Variants in LY75 observed in about 807,000 individuals in gnomAD.
LY75 encodes C-type lectin domain family 13 member B.
A neutral mutation model predicts 231.7 loss-of-function variants in LY75; 185 were observed. The ratio of observed to expected loss-of-function variants is 0.80; its 90% CI spans 0.71 to 0.90. The LOEUF (loss-of-function observed/expected upper bound fraction) is 0.90, where lower values mean the gene tolerates loss of function less well. Ranked by LOEUF, LY75 falls within the 40% of genes least tolerant of loss-of-function variation. The pLI is 0.00. For synonymous variants in LY75, 668 were observed against 689.0 expected (o/e 0.97, Z 0.48); for missense variants, 1,947 against 2,050.2 (o/e 0.95, Z 0.97).
intron 6 of LY75, among the ~76,000 whole-genome samples, chr2:159,883,287 A>G (rs1685493151): frequency 6.8e-6 from 1 of 147,048 alleles, no homozygotes; most frequent in African/African-American, 2.7e-5. Context: ...ATAATTAAAA[A>G]AAAAAAGAAA....
chr2:159,836,713 G>A (rs1448121314), intron 25 of LY75, among the ~76,000 whole-genome samples: 1 of 152,202 alleles, frequency 6.6e-6, no homozygotes, highest in Non-Finnish European at 1.5e-5. Flanking sequence ...AAATGTTCAT[G>A]ACCAGAGTTC....
At chr2:159,842,457 G>A (rs1246987685) in intron 23 of LY75, 83 bp from the exon 24 acceptor site, 5 of 1,431,356 alleles carry the variant, frequency 3.5e-6, no homozygotes, top group Non-Finnish European at 4.6e-6. Context: ...ATTCTAGATT[G>A]AATTTGTCCC....
At chr2:159,876,329 C>G (rs530088177) in intron 11 of LY75, among the ~76,000 whole-genome samples, 2 of 152,264 alleles carry the variant, frequency 1.3e-5, no homozygotes, top group Admixed American at 1.3e-4. Flanking sequence ...GTTCCATTTT[C>G]CATTACATCA....
At chr2:159,806,198 A>G (rs1682788328) in intron 34 of LY75, among the ~76,000 whole-genome samples, 1 of 152,108 alleles carries the variant, frequency 6.6e-6, no homozygotes, top group South Asian at 2.1e-4. Context: ...CTGTTTACTT[A>G]TCTTTCTTCA....
intron 4 of LY75, among the ~76,000 whole-genome samples, chr2:159,887,875 T>C (rs1022766869): frequency 1.1e-4 from 16 of 152,206 alleles, no homozygotes; most frequent in Non-Finnish European, 2.2e-4. Context: ...CAACATTTGA[T>C]TGTCACACTT....
chr2:159,808,918 G>A (rs1217803239), intron 32 of LY75, among the ~76,000 whole-genome samples: 1 of 152,062 alleles, frequency 6.6e-6, no homozygotes, highest in Non-Finnish European at 1.5e-5. Flanking sequence ...TAGGATATGT[G>A]GGAACTGGGA....
At chr2:159,904,066 T>A (rs1365698458) in intron 1 of LY75, among the ~76,000 whole-genome samples, 1 of 152,204 alleles carries the variant, frequency 6.6e-6, no homozygotes, top group Non-Finnish European at 1.5e-5. Flanking sequence ...GAGGAGATGG[T>A]TTATTTAACC....
intron 12 of LY75, among the ~76,000 whole-genome samples, chr2:159,874,533 C>A (rs186491569): frequency 0.51 from 10,261 of 20,256 alleles, 3,727 homozygotes; most frequent in Non-Finnish European, 0.76. Flanking sequence ...TTTTGTAAAT[C>A]TATATAAATA....
rs1304804719 is a variant in LY75, at chr2:159,893,908, A to C, written c.637+6T>G. The C allele has an allele frequency of 6.2e-7, 1 of 1,604,772 alleles. No individual in the cohort carries two copies. The highest frequency in any genetic ancestry group is 8.5e-7 in the Non-Finnish European group (1 of 1,175,622). Reference sequence around the variant, plus strand: ...TTCCACATAAAATTTACCAGCCCATACATACCAGGCTTTAAGCAGATGCCC... The same window carrying C: ...TTCCACATAAAATTTACCAGCCCATCCATACCAGGCTTTAAGCAGATGCCC... On this transcript the variant is annotated splice_donor_region_variant and intron_variant, in intron 3 of 34. Coordinates refer to ENST00000263636, the MANE Select transcript of LY75 (RefSeq NM_002349.4).
intron 34 of LY75, among the ~76,000 whole-genome samples, chr2:159,805,695 C>T (rs543803371): frequency 3.3e-5 from 5 of 152,190 alleles, no homozygotes; most frequent in Non-Finnish European, 7.3e-5. Context: ...TTCCAAGACC[C>T]TTATCTGCAT....
At chr2:159,850,791 T>TATAA (rs1553805728) in intron 21 of LY75, among the ~76,000 whole-genome samples, 2 of 94,510 alleles carry the variant, frequency 2.1e-5, no homozygotes, top group African/African-American at 8.0e-5. Flanking sequence ...TATATATATA[T>TATAA]ATATATATTA....
chr2:159,829,686 C>T (rs908531647), intron 28 of LY75, among the ~76,000 whole-genome samples: 1 of 152,086 alleles, frequency 6.6e-6, no homozygotes, highest in Non-Finnish European at 1.5e-5. Flanking sequence ...CAGTAACTTA[C>T]AGATGTAAAT....
chr2:159,837,943 T>C (rs957694514), intron 25 of LY75, among the ~76,000 whole-genome samples: 1 of 152,168 alleles, frequency 6.6e-6, no homozygotes, highest in South Asian at 2.1e-4. Context: ...CCAAGCCTTC[T>C]TGACTTCCTT....
At chr2:159,810,221 A>G (rs1298723958) in intron 32 of LY75, among the ~76,000 whole-genome samples, 2 of 151,682 alleles carry the variant, frequency 1.3e-5, no homozygotes, top group African/African-American at 2.4e-5. Context: ...TTTAGTAGAG[A>G]TAGGGTTTCA....
In LY75 at chr2:159,898,993, A is replaced by G. The variant is rs1265234138; in HGVS notation, c.161T>C (p.Ile54Thr). 1 of 1,614,226 alleles carries G rather than the reference A, an allele frequency of 6.2e-7. No individual in the cohort carries two copies. The highest frequency in any genetic ancestry group is 2.2e-5 in the East Asian group (1 of 44,892). ...AGTTTCATCACAGTCGTCTGCTACT[A>G]TCCAGCCATACACTGGCTTGATGCA... is the stretch of plus-strand genomic sequence containing the variant. ...GKCIKPVYGW[I>T]VADDCDETED... The change falls in exon 2 of 35, where the codon ATA becomes ACA. Residue 54 changes from isoleucine to threonine, a missense_variant. Ile to Thr is a moderately conservative substitution (Grantham distance 89). Coordinates refer to ENST00000263636, the MANE Select transcript of LY75 (RefSeq NM_002349.4).
At chr2:159,846,529 C>T (rs1479794959) in intron 23 of LY75, among the ~76,000 whole-genome samples, 1 of 151,386 alleles carries the variant, frequency 6.6e-6, no homozygotes, top group Non-Finnish European at 1.5e-5. Context: ...GAAAAAACAA[C>T]AAAAAAAGGC....
chr2:159,835,757 C>G (rs563473763), intron 25 of LY75, 112 bp from the exon 26 acceptor site: 5 of 1,308,248 alleles, frequency 3.8e-6, no homozygotes, highest in Non-Finnish European at 5.1e-6. Flanking sequence ...ATTTAATACA[C>G]ATTTACATAC....
At chr2:159,873,814 T>C (rs1362017414) in intron 12 of LY75, among the ~76,000 whole-genome samples, 1 of 132,560 alleles carries the variant, frequency 7.5e-6, no homozygotes, top group Non-Finnish European at 1.7e-5. Flanking sequence ...ATAGTAAAAA[T>C]ACATATAAAC....
chr2:159,886,755 A>T (rs1190031690), intron 4 of LY75, among the ~76,000 whole-genome samples: 1 of 152,138 alleles, frequency 6.6e-6, no homozygotes, highest in Non-Finnish European at 1.5e-5. Context: ...CTGCTCTCCT[A>T]TTAGCTTGTC....
Sources: allele counts gnomAD v4.1 joint callset (sites outside exome capture counted in the v4.1 genomes callset), GRCh38; gene constraint gnomAD v4.1.1; transcripts MANE v1.5; gene names NCBI Gene and HGNC (gene_info 2026-07-23, HGNC 2026-07-21).